Variants in SEPTIN7 observed in about 807,000 individuals in gnomAD.
SEPTIN7 encodes septin-7.
SEPTIN7 carries 10 observed loss-of-function variants against 63.3 expected under a neutral mutation model. The observed-to-expected ratio is 0.16, with a 90% CI of 0.10 to 0.27. The LOEUF (loss-of-function observed/expected upper bound fraction) is 0.27. Among genes scored for constraint, SEPTIN7 ranks in the 10% least tolerant of loss-of-function variants. The pLI is 1.00. For synonymous variants in SEPTIN7, 131 were observed against 165.3 expected (o/e 0.79, Z 1.59); for missense variants, 310 against 521.0 (o/e 0.59, Z 3.94).
chr7:35,896,263 A>G lies in SEPTIN7; in HGVS notation c.999-1985A>G, dbSNP rs1787955956. On this transcript the variant is annotated intron_variant, in intron 11 of 13. Coordinates refer to ENST00000350320, the MANE Select transcript of SEPTIN7 (RefSeq NM_001788.6). ...ATGAGTTGTATAAGTAGGAATAGAT[A>G]TTTCTCTCTGATTTCTAATTTAATA... is the stretch of plus-strand genomic sequence containing the variant. Among the ~76,000 whole-genome samples, 4 of 152,196 alleles carry G rather than the reference A, an allele frequency of 2.6e-5. No homozygotes were observed. In the South Asian group the frequency reaches 8.3e-4, roughly 31 times the overall value.
chr7:35,862,308 TA>T lies in SEPTIN7; in HGVS notation c.170-1236del, dbSNP rs564480864. ...CCACAAATAAAAAGGGGTAAAAAACTAAAAAAAACCTCTAAACACAATTTAT... is the reference window on the plus strand; with the variant it reads ...CCACAAATAAAAAGGGGTAAAAAACTAAAAAAACCTCTAAACACAATTTAT... On this transcript the variant is annotated intron_variant, in intron 3 of 13. Coordinates refer to ENST00000350320, the MANE Select transcript of SEPTIN7 (RefSeq NM_001788.6). 7.4e-3 allele frequency among the ~76,000 whole-genome samples: 1,120 copies of T among 152,020 alleles called. 7 individuals carry two copies. The highest frequency in any genetic ancestry group is 0.02 in the Middle Eastern group (6 of 294).
chr7:35,824,316 T>A (rs1283472613), intron 1 of SEPTIN7, among the ~76,000 whole-genome samples: 2 of 152,180 alleles, frequency 1.3e-5, no homozygotes, highest in Non-Finnish European at 1.5e-5. Context: ...GAAATGCTTC[T>A]GGGAACTCTT....
chr7:35,860,337 G>GC (rs1331744699), intron 3 of SEPTIN7, among the ~76,000 whole-genome samples: 2 of 151,930 alleles, frequency 1.3e-5, no homozygotes, highest in South Asian at 2.1e-4. Flanking sequence ...ATTTTTTAAT[G>GC]CATTCGCCTT....
chr7:35,802,525 T>C (rs1387492247), intron 1 of SEPTIN7, among the ~76,000 whole-genome samples: 12 of 152,258 alleles, frequency 7.9e-5, no homozygotes, highest in Admixed American at 7.8e-4. Flanking sequence ...TTAGTGCCCC[T>C]GAGAATGTAA....
At chr7:35,831,368 G>A in intron 1 of SEPTIN7, 124 bp from the exon 2 acceptor site, 1 of 263,302 alleles carries the variant, frequency 3.8e-6, no homozygotes, top group Non-Finnish European at 7.5e-6. Context: ...CAATGGATTT[G>A]CCTCTCCTGT....
intron 6 of SEPTIN7, among the ~76,000 whole-genome samples, chr7:35,876,949 A>G (rs117339544): frequency 0.017 from 2,581 of 152,146 alleles, 31 homozygotes; most frequent in Non-Finnish European, 0.023. Flanking sequence ...AGACTGAGCA[A>G]TAAGAGTGAA....
At chr7:35,887,669 T>C (rs1256990182) in intron 10 of SEPTIN7, among the ~76,000 whole-genome samples, 2 of 152,162 alleles carry the variant, frequency 1.3e-5, no homozygotes, top group Non-Finnish European at 2.9e-5. Context: ...ACTTTGAATA[T>C]TCGAAGGTTC....
intron 13 of SEPTIN7, among the ~76,000 whole-genome samples, chr7:35,903,877 AT>A (rs757985013): frequency 3.3e-5 from 5 of 152,186 alleles, no homozygotes; most frequent in African/African-American, 4.8e-5. Context: ...AGGAAAATAG[AT>A]TTGTGAAAGC....
chr7:35,858,715 T>C lies in SEPTIN7; in HGVS notation c.170-4837T>C, dbSNP rs180960642. On this transcript the variant is annotated intron_variant, in intron 3 of 13. Transcript: ENST00000350320. ...TTTTTTTTGAGACAGAGTTTCGCTC[T>C]TGTTGCCCAGGCTGGAGTGCCAATG... is the stretch of plus-strand genomic sequence containing the variant. Among the ~76,000 whole-genome samples, 52 of 150,124 alleles carry C rather than the reference T, an allele frequency of 3.5e-4. 1 individual carries two copies. Among genetic ancestry groups the C allele is most frequent in the African/African-American group, 1.2e-3 (49 of 40,900 alleles).
At chr7:35,803,726 ACTT>A (rs758227707) in intron 1 of SEPTIN7, among the ~76,000 whole-genome samples, 7 of 152,292 alleles carry the variant, frequency 4.6e-5, no homozygotes, top group Admixed American at 2.6e-4. Context: ...CTTTTTGTAT[ACTT>A]CTTTTTTTGT....
chr7:35,803,272 C>T (rs1316637878), intron 1 of SEPTIN7: 1 of 329,734 alleles, frequency 3.0e-6, no homozygotes, highest in Non-Finnish European at 4.3e-6. Context: ...TGCACATTGT[C>T]CCGTAGAAGT....
At chr7:35,850,606 T>C (rs1784910895) in intron 3 of SEPTIN7, among the ~76,000 whole-genome samples, 1 of 152,214 alleles carries the variant, frequency 6.6e-6, no homozygotes, top group Non-Finnish European at 1.5e-5. Flanking sequence ...CTTATTGAAA[T>C]GATACTCCAT....
chr7:35,858,204 C>G (rs1371082590), intron 3 of SEPTIN7, among the ~76,000 whole-genome samples: 1 of 152,134 alleles, frequency 6.6e-6, no homozygotes, highest in Non-Finnish European at 1.5e-5. Flanking sequence ...CTCGGCCTCC[C>G]AAAATTCTGA....
chr7:35,898,275 A>T lies in SEPTIN7; in HGVS notation c.1026A>T (p.Glu342Asp). The change falls in exon 12 of 14, where the codon GAA becomes GAT. Residue 342 changes from glutamate (E) to aspartate (D), a missense_variant. Coordinates refer to ENST00000350320, the MANE Select transcript of SEPTIN7 (RefSeq NM_001788.6). Reference sequence around the variant, plus strand: ...GCCCTCTGGCACAAATGGAAGAAGAAAGAAGGGAGCATGTAGCTAAAATGA... The same window carrying T: ...GCCCTCTGGCACAAATGGAAGAAGATAGAAGGGAGCATGTAGCTAAAATGA... Reference protein sequence around the residue: ...TKSPLAQMEEERREHVAKMKK... With the variant: ...TKSPLAQMEEDRREHVAKMKK... 1 of 1,551,714 alleles carries T rather than the reference A, an allele frequency of 6.4e-7. No homozygotes were observed. Among genetic ancestry groups the T allele is most frequent in the Non-Finnish European group, 8.7e-7 (1 of 1,146,516 alleles).
chr7:35,839,712 G>A (rs1200175099), intron 3 of SEPTIN7, among the ~76,000 whole-genome samples: 1 of 151,942 alleles, frequency 6.6e-6, no homozygotes, highest in Non-Finnish European at 1.5e-5. Context: ...CCACCATCAC[G>A]CTCAGCTAAT....
At chr7:35,819,169 A>G (rs1240379146) in intron 1 of SEPTIN7, among the ~76,000 whole-genome samples, 1 of 152,100 alleles carries the variant, frequency 6.6e-6, no homozygotes, top group African/African-American at 2.4e-5. Context: ...TTCATCTCAA[A>G]GTATTTTCCA....
intron 3 of SEPTIN7, among the ~76,000 whole-genome samples, chr7:35,848,965 A>G (rs1784825657): frequency 6.6e-6 from 1 of 152,218 alleles, no homozygotes; most frequent in South Asian, 2.1e-4. Context: ...TGAGGTAATT[A>G]TTGAGTAGCT....
At chr7:35,817,091 T>C (rs1056691093) in intron 1 of SEPTIN7, among the ~76,000 whole-genome samples, 6 of 152,060 alleles carry the variant, frequency 3.9e-5, no homozygotes, top group East Asian at 1.9e-4. Context: ...TATCTACTTA[T>C]TGCATGTGCT....
In SEPTIN7 at chr7:35,904,864, T is replaced by TTTTG. The variant is rs991308005; in HGVS notation, c.*583_*586dup. ...CTAGAGCTTTTTTATAACAACGTCT[T>TTTTG]TTTGTTTGTTTGTTTTGGATTCTTT... On this transcript the variant is annotated 3_prime_UTR_variant, in exon 14 of 14. Coordinates refer to ENST00000350320, the MANE Select transcript of SEPTIN7 (RefSeq NM_001788.6). 2.0e-5 allele frequency: 3 copies of TTTTG among 152,586 alleles called. No individual in the cohort carries two copies. Among genetic ancestry groups the TTTTG allele is most frequent in the African/African-American group, 7.2e-5 (3 of 41,458 alleles). The allele number at this position is 152,586 out of a possible 1,614,324, so 9.5% of individuals were successfully genotyped here.
Sources: allele counts gnomAD v4.1 joint callset (sites outside exome capture counted in the v4.1 genomes callset), GRCh38; gene constraint gnomAD v4.1.1; transcripts MANE v1.5; gene names NCBI Gene and HGNC (gene_info 2026-07-23, HGNC 2026-07-21).